DISP3: variants seen among roughly 807,000 people sequenced by gnomAD.
The protein encoded by DISP3 is dispatched RND transporter family member 3.
Under a neutral mutation model 135.3 loss-of-function variants are expected in DISP3, and 101 were observed. The ratio of observed to expected loss-of-function variants is 0.75; its 90% CI spans 0.64 to 0.88. The LOEUF (loss-of-function observed/expected upper bound fraction) is 0.88, where lower values mean the gene tolerates loss of function less well. Ranked by LOEUF, DISP3 falls within the 40% of genes least tolerant of loss-of-function variation. DISP3 has a pLI of 0.00. For synonymous variants in DISP3, 856 were observed against 817.0 expected (o/e 1.05, Z -0.81); for missense variants, 1,713 against 1,878.6 (o/e 0.91, Z 1.63).
At chr1:11,526,079 G>A (rs914904125) in intron 12 of DISP3, among the ~76,000 whole-genome samples, 9 of 152,162 alleles carry the variant, frequency 5.9e-5, no homozygotes, top group Non-Finnish European at 1.2e-4. Context: ...AGGGACACGC[G>A]CCAATTCATT....
intron 3 of DISP3, among the ~76,000 whole-genome samples, chr1:11,503,810 C>T (rs1245443803): frequency 3.9e-5 from 6 of 152,234 alleles, no homozygotes; most frequent in East Asian, 1.9e-4. Flanking sequence ...GGGCAAGTCA[C>T]GTCACTTCTC....
At chr1:11,534,831 C>T (rs1470936473) in intron 18 of DISP3, 180 bp from the exon 19 acceptor site, 2 of 776,062 alleles carry the variant, frequency 2.6e-6, no homozygotes, top group East Asian at 2.7e-5. Flanking sequence ...AGGCTCCGGG[C>T]TGAGGGCCTG....
chr1:11,524,180 C>G lies in DISP3; in HGVS notation c.2476+125C>G, dbSNP rs532683086. On this transcript the variant is annotated intron_variant, in intron 11 of 20. Coordinates refer to ENST00000294484, the MANE Select transcript of DISP3 (RefSeq NM_020780.2). The stretch of plus-strand genomic sequence containing the variant: ...GAAGGAGATTGTGTGTTCCTGGTCA[C>G]TGCAGAGGAGCTGGGGATGGGGGGT... 132 of 732,554 alleles carry G rather than the reference C, an allele frequency of 1.8e-4. 3 individuals carry two copies. In the South Asian group the frequency reaches 2.2e-3, roughly 12 times the overall value. 45.4% of individuals were successfully genotyped at this position (732,554 alleles called of 1,614,324 possible).
At chr1:11,523,875 C>A in intron 10 of DISP3, 67 bp from the exon 11 acceptor site, 1 of 1,321,142 alleles carries the variant, frequency 7.6e-7, no homozygotes, top group Non-Finnish European at 1.1e-6. Context: ...CCTCTTCCCT[C>A]TGCCCATCGG....
chr1:11,524,055 G>C lies in DISP3; in HGVS notation c.2476G>C (p.Asp826His). The change falls in exon 11 of 21, where the codon GAT (aspartate) becomes CAT (histidine). Residue 826 changes from aspartate to histidine, a missense_variant and splice_region_variant. Physicochemically the swap from Asp to His is moderately conservative, Grantham distance 81. Around this residue, in one of 2 missense-constraint regions of DISP3, gnomAD observed 1,142 missense variants for 1,384.6 expected, o/e 0.82. Coordinates refer to ENST00000294484, the MANE Select transcript of DISP3 (RefSeq NM_020780.2). ...WASRPEATLQ[D>H]FPGTVYISKV... ...TAGCCGGCCTGAGGCCACCCTGCAGGGTGAGCACTGGGGGTGGAGGGTGGG... is the reference window on the plus strand; with the variant it reads ...TAGCCGGCCTGAGGCCACCCTGCAGCGTGAGCACTGGGGGTGGAGGGTGGG... The C allele has an allele frequency of 6.2e-7, 1 of 1,603,854 alleles. No homozygotes were observed. The highest frequency in any genetic ancestry group is 8.5e-7 in the Non-Finnish European group (1 of 1,171,370).
chr1:11,523,847 G>A, intron 10 of DISP3, 95 bp from the exon 11 acceptor site: 1 of 975,834 alleles, frequency 1.0e-6, no homozygotes, highest in South Asian at 1.7e-5. Context: ...CAGTTCCTGA[G>A]ACTGTCTCAG....
chr1:11,528,709 G>A (rs2594301), intron 13 of DISP3, among the ~76,000 whole-genome samples: 20,535 of 152,158 alleles, frequency 0.13, 1,686 homozygotes, highest in East Asian at 0.44. Flanking sequence ...GGTCTCTGAC[G>A]GGGCTCGGTG....
At position 11,536,383 on chromosome 1, in the gene DISP3, C is replaced by T. The variant is rs2100523018; in HGVS notation, c.3876C>T (p.Ala1292=). ...AGGCCGTGCGGCACGTGGGCGTGGC[C>T]ATCGTCTCCAGTGCCCTCACCACGG... ...TLEAVRHVGV[A]IVSSALTTVI... The change falls in exon 21 of 21, where the codon GCC becomes GCT. Residue 1292 remains alanine, a synonymous_variant. Coordinates refer to ENST00000294484, the MANE Select transcript of DISP3 (RefSeq NM_020780.2). The surrounding 1 kb of genome is among the most constrained non-coding windows in gnomAD (Gnocchi z 4.3). The T allele has an allele frequency of 6.2e-7, 1 of 1,610,314 alleles. No homozygotes were observed. Among genetic ancestry groups the T allele is most frequent in the East Asian group, 2.2e-5 (1 of 44,880 alleles).
intron 1 of DISP3, among the ~76,000 whole-genome samples, chr1:11,480,560 A>G (rs941051449): frequency 6.6e-6 from 1 of 151,964 alleles, no homozygotes; most frequent in African/African-American, 2.4e-5. Context: ...CTCCGGACTC[A>G]CTGACTAAGC....
Position 11,525,243 on chromosome 1 carries a change from C to G in DISP3, c.2544C>G (p.Ser848=). The G allele has an allele frequency of 6.2e-7, 1 of 1,614,100 alleles. No individual in the cohort carries two copies. The highest frequency in any genetic ancestry group is 8.5e-7 in the Non-Finnish European group (1 of 1,179,978). Residue 848 remains serine, a synonymous_variant, in exon 12 of 21, where the codon TCC becomes TCG. Coordinates refer to ENST00000294484, the MANE Select transcript of DISP3 (RefSeq NM_020780.2). ...SQGHPAVYRL[S]LNASLPAPWQ... ...GCCACCCCGCTGTCTACAGGCTCTC[C>G]CTCAATGCCAGCCTGCCTGCTCCTT...
intron 1 of DISP3, among the ~76,000 whole-genome samples, chr1:11,482,177 G>A (rs985775277): frequency 3.9e-5 from 6 of 152,150 alleles, no homozygotes; most frequent in Non-Finnish European, 1.5e-5. Flanking sequence ...CAAAGGCGGT[G>A]GATGGAATTG....
Position 11,519,668 on chromosome 1 carries a change from C to T in DISP3, c.2039-51C>T. ...GGCTTCCCTGGAAGCGAGCGTGGAC[C>T]ACAGTGGGCTTTGATTCAGGCTCTG... On this transcript the variant is annotated intron_variant, in intron 8 of 20. Transcript: ENST00000294484. This position sits in a 1 kb window ranked among gnomAD's most constrained non-coding sequence, Gnocchi z 4.3. 6.3e-7 allele frequency: 1 copy of T among 1,593,908 alleles called. No individual in the cohort carries two copies. The highest frequency in any genetic ancestry group is 8.6e-7 in the Non-Finnish European group (1 of 1,168,948).
chr1:11,519,902 G>A lies in DISP3; in HGVS notation c.2200+22G>A, dbSNP rs747867487. 1.6e-5 allele frequency: 25 copies of A among 1,589,458 alleles called. No individual in the cohort carries two copies. Among genetic ancestry groups the A allele is most frequent in the Non-Finnish European group, 6.0e-6 (7 of 1,167,688 alleles). On this transcript the variant is annotated intron_variant, in intron 9 of 20. Coordinates refer to ENST00000294484, the MANE Select transcript of DISP3 (RefSeq NM_020780.2). This position sits in a 1 kb window ranked among gnomAD's most constrained non-coding sequence, Gnocchi z 4.3. ...GTGGGTAAGTGGGCCCTCCGGCCCT[G>A]CCCCCTGTCTCACAGCTCCACCCCC...
At chr1:11,490,608 AT>A (rs1310092677) in intron 1 of DISP3, among the ~76,000 whole-genome samples, 1 of 151,736 alleles carries the variant, frequency 6.6e-6, no homozygotes, top group Non-Finnish European at 1.5e-5. Flanking sequence ...TCTTTTCCTC[AT>A]TGATGCCAAG....
At position 11,502,098 on chromosome 1, in the gene DISP3, C is replaced by T. The variant is rs1213631514; in HGVS notation, c.1096+10C>T. The stretch of plus-strand genomic sequence containing the variant: ...CTGGCGGACATCCGGGGTGAGCCGC[C>T]GGGATGCTGGGAGGGGGCGTAGGTC... On this transcript the variant is annotated intron_variant, in intron 2 of 20. Coordinates refer to ENST00000294484, the MANE Select transcript of DISP3 (RefSeq NM_020780.2). 1.9e-6 allele frequency: 3 copies of T among 1,538,596 alleles called. No homozygotes were observed. Among genetic ancestry groups the T allele is most frequent in the Non-Finnish European group, 1.7e-6 (2 of 1,143,742 alleles).
intron 1 of DISP3, among the ~76,000 whole-genome samples, chr1:11,484,381 G>C (rs780285865): frequency 6.6e-6 from 1 of 152,214 alleles, no homozygotes; most frequent in Non-Finnish European, 1.5e-5. Flanking sequence ...AGGGGGCGGA[G>C]GAGCTGATGG....
intron 3 of DISP3, among the ~76,000 whole-genome samples, chr1:11,510,635 T>G (rs897129839): frequency 8.1e-5 from 7 of 86,666 alleles, no homozygotes; most frequent in African/African-American, 2.9e-4. Flanking sequence ...ATTTCCCTAT[T>G]TCCATCTGTT....
chr1:11,496,372 G>C (rs898502435), intron 1 of DISP3, among the ~76,000 whole-genome samples: 2 of 152,114 alleles, frequency 1.3e-5, no homozygotes, highest in Non-Finnish European at 2.9e-5. Flanking sequence ...GTGTGAGAGA[G>C]AGACAGAGAC....
intron 17 of DISP3, chr1:11,533,555 C>A: frequency 1.9e-6 from 1 of 534,468 alleles, no homozygotes; most frequent in African/African-American, 1.9e-5. Context: ...CTGCGCCCAG[C>A]CGGTGACTGG....
Sources: gnomAD v4.1 joint callset for allele counts (sites outside exome capture counted in the v4.1 genomes callset) on GRCh38, gnomAD v4.1.1 for gene constraint, gnomAD v4.1.1 regional missense constraint, Gnocchi (gnomAD v3.1) non-coding constraint, MANE v1.5 for transcripts, NCBI Gene and HGNC (gene_info 2026-07-23, HGNC 2026-07-21) for gene names.